Variants in CAMSAP2 observed in about 807,000 individuals in gnomAD.
CAMSAP2 encodes the protein calmodulin-regulated spectrin-associated protein 2.
In CAMSAP2, 26 loss-of-function variants were observed where a neutral mutation model predicts 146.1. The ratio of observed to expected loss-of-function variants is 0.18; its 90% CI spans 0.13 to 0.25. The LOEUF (loss-of-function observed/expected upper bound fraction) is 0.25. CAMSAP2 is among the 10% of genes least tolerant of loss of function. The pLI is 1.00. For synonymous variants in CAMSAP2, 499 were observed against 596.6 expected, an observed-to-expected ratio of 0.84 and a Z score of 2.38; for missense variants, 1,381 against 1,759.3, an observed-to-expected ratio of 0.78 and a Z score of 3.85.
intron 2 of CAMSAP2, among the ~76,000 whole-genome samples, chr1:200,794,675 G>A (rs1360047196): frequency 6.6e-6 from 1 of 152,238 alleles, no homozygotes; most frequent in Non-Finnish European, 1.5e-5. Context: ...CTAGGGTCAA[G>A]TTGTATTGCC....
At chr1:200,763,365 C>A (rs1337172120) in intron 2 of CAMSAP2, among the ~76,000 whole-genome samples, 1 of 151,968 alleles carries the variant, frequency 6.6e-6, no homozygotes, top group East Asian at 1.9e-4. Context: ...ATGGCGAAAC[C>A]CCATCTCTAC....
chr1:200,845,256 C>CTTTTTT (rs11375893), intron 8 of CAMSAP2, among the ~76,000 whole-genome samples: 2 of 148,154 alleles, frequency 1.3e-5, no homozygotes, highest in African/African-American at 2.5e-5. Flanking sequence ...GTTTTTCCTG[C>CTTTTTT]TTTTTTTTTT....
intron 8 of CAMSAP2, among the ~76,000 whole-genome samples, chr1:200,846,146 A>G (rs926271472): frequency 4.6e-5 from 7 of 152,226 alleles, no homozygotes; most frequent in Non-Finnish European, 8.8e-5. Flanking sequence ...TAATTTCTGT[A>G]TGAATTCTTG....
chr1:200,741,095 AC>A (rs149754844), intron 1 of CAMSAP2, among the ~76,000 whole-genome samples: 1,628 of 152,306 alleles, frequency 0.011, 31 homozygotes, highest in African/African-American at 0.037. Flanking sequence ...TTAAACTTAC[AC>A]AGCTGAGTAT....
chr1:200,826,588 G>T (rs1666912845), intron 4 of CAMSAP2, among the ~76,000 whole-genome samples: 1 of 152,146 alleles, frequency 6.6e-6, no homozygotes, highest in Non-Finnish European at 1.5e-5. Flanking sequence ...GCACCTAGAA[G>T]TAGTTCAGGA....
intron 4 of CAMSAP2, among the ~76,000 whole-genome samples, chr1:200,831,901 A>G (rs906927220): frequency 2.0e-5 from 3 of 152,168 alleles, no homozygotes; most frequent in Non-Finnish European, 4.4e-5. Flanking sequence ...TTATTTGGAT[A>G]CAAAGTGTTC....
At chr1:200,795,250 G>C (rs116057381) in intron 2 of CAMSAP2, among the ~76,000 whole-genome samples, 427 of 152,332 alleles carry the variant, frequency 2.8e-3, no homozygotes, top group African/African-American at 9.5e-3. Context: ...GCTTTTGACT[G>C]TAGAGTGATG....
Position 200,832,607 on chromosome 1 carries a change from T to C in CAMSAP2, c.788-99T>C. 9.6e-7 allele frequency: 1 copy of C among 1,046,442 alleles called. No individual in the cohort carries two copies. The highest frequency in any genetic ancestry group is 1.3e-6 in the Non-Finnish European group (1 of 749,152). 64.8% of individuals were successfully genotyped at this position (1,046,442 alleles called of 1,614,324 possible). ...ACTATATTTATAAATGTATGTTTGT[T>C]AACCAGAATTGTGTATTTGTACTAA... On this transcript the variant is annotated intron_variant, in intron 5 of 16. Coordinates refer to ENST00000358823, the MANE Select transcript of CAMSAP2 (RefSeq NM_203459.4). This position sits in a 1 kb window ranked among gnomAD's most constrained non-coding sequence, Gnocchi z 4.2.
At chr1:200,764,772 A>G (rs1352792231) in intron 2 of CAMSAP2, among the ~76,000 whole-genome samples, 1 of 152,230 alleles carries the variant, frequency 6.6e-6, no homozygotes, top group Non-Finnish European at 1.5e-5. Context: ...CCTTTAAGAT[A>G]TCTTTTCTGT....
intron 1 of CAMSAP2, among the ~76,000 whole-genome samples, chr1:200,750,799 T>G (rs1217477386): frequency 1.3e-5 from 2 of 151,608 alleles, no homozygotes; most frequent in Admixed American, 1.3e-4. Context: ...TAATTTTTTT[T>G]GTATTTTTGG....
intron 3 of CAMSAP2, among the ~76,000 whole-genome samples, chr1:200,814,609 C>CAA (rs1204730822): frequency 1.5e-3 from 37 of 24,010 alleles, no homozygotes; most frequent in South Asian, 6.1e-3. Context: ...GATTGCATCC[C>CAA]AAAAAAAAAA....
Position 200,739,070 on chromosome 1 carries a change from C to T in CAMSAP2, c.-758C>T, listed in dbSNP as rs1022695818. Among the ~76,000 whole-genome samples the T allele has an allele frequency of 1.3e-5, 2 of 152,110 alleles. No homozygotes were observed. Among genetic ancestry groups the T allele is most frequent in the Non-Finnish European group, 2.9e-5 (2 of 68,006 alleles). On this transcript the variant is annotated 5_prime_UTR_variant, in exon 1 of 17. Transcript: ENST00000358823. The surrounding 1 kb of genome is among the most constrained non-coding windows in gnomAD (Gnocchi z 4.8). ...GGATTCGCGGCCTCTCCCCGGCCAC[C>T]ACCTTCGCCGTCAGCAAGGGAGGAA...
chr1:200,788,438 G>C (rs1440329423), intron 2 of CAMSAP2, among the ~76,000 whole-genome samples: 1 of 152,032 alleles, frequency 6.6e-6, no homozygotes, highest in Admixed American at 6.6e-5. Context: ...AATATGTTTA[G>C]TTTTGTAAGA....
intron 2 of CAMSAP2, among the ~76,000 whole-genome samples, chr1:200,779,338 G>T (rs957234400): frequency 1.1e-4 from 17 of 152,080 alleles, no homozygotes; most frequent in African/African-American, 4.1e-4. Flanking sequence ...AAGCAAACTA[G>T]GTATATATTG....
rs1374036903 is a variant in CAMSAP2 at position 200,848,259 on chromosome 1, A to T, written c.1490A>T (p.Asp497Val). Residue 497 changes from aspartate to valine, a missense_variant, in exon 11 of 17, where the codon GAC (aspartate) becomes GTC (valine). Asp to Val is a radical substitution (Grantham distance 152, BLOSUM62 -3). This residue lies in a region of CAMSAP2 where 447 missense variants were observed against 462.2 expected (regional missense o/e 0.97). Transcript: ENST00000358823. Reference sequence around the variant, plus strand: ...GAACTTAATATAGATTCTCACAGTGACCTCAAATCTTGTGTGCCCCTTAAC... The same window carrying T: ...GAACTTAATATAGATTCTCACAGTGTCCTCAAATCTTGTGTGCCCCTTAAC... ...EEELNIDSHS[D>V]LKSCVPLNTN... 1 of 1,613,452 alleles carries T rather than the reference A, an allele frequency of 6.2e-7. No individual in the cohort carries two copies. The highest frequency in any genetic ancestry group is 8.5e-7 in the Non-Finnish European group (1 of 1,179,712).
At chr1:200,841,506 A>G (rs962069208) in intron 6 of CAMSAP2, among the ~76,000 whole-genome samples, 1 of 152,190 alleles carries the variant, frequency 6.6e-6, no homozygotes, top group Non-Finnish European at 1.5e-5. Flanking sequence ...TTGGCCTCCC[A>G]AAGTGCTGGG....
At chr1:200,844,219 C>T (rs1346859435) in intron 7 of CAMSAP2, among the ~76,000 whole-genome samples, 1 of 151,278 alleles carries the variant, frequency 6.6e-6, no homozygotes, top group Admixed American at 6.6e-5. Flanking sequence ...TAGGCTTTTT[C>T]CCCCTAATTA....
chr1:200,787,240 T>G (rs1340287267), intron 2 of CAMSAP2, among the ~76,000 whole-genome samples: 1 of 152,228 alleles, frequency 6.6e-6, no homozygotes, highest in African/African-American at 2.4e-5. Context: ...TAGTGATTCC[T>G]CTGTTGGATC....
intron 1 of CAMSAP2, among the ~76,000 whole-genome samples, chr1:200,743,501 C>G (rs1664234404): frequency 6.6e-6 from 1 of 151,554 alleles, no homozygotes; most frequent in South Asian, 2.1e-4. Context: ...GCAGAGGGGC[C>G]AGTTTGGGAC....
Sources: allele counts gnomAD v4.1 joint callset (sites outside exome capture counted in the v4.1 genomes callset), GRCh38; gene constraint gnomAD v4.1.1; regional missense constraint gnomAD v4.1.1; non-coding constraint Gnocchi (gnomAD v3.1); transcripts MANE v1.5; gene names NCBI Gene and HGNC (gene_info 2026-07-23, HGNC 2026-07-21).